The following FOXP2 variants were observed in gnomAD, a reference collection of about 807,000 sequenced individuals.
FOXP2 encodes forkhead box protein P2.
FOXP2 carries 12 observed loss-of-function variants against 115.8 expected under a neutral mutation model. The ratio of observed to expected loss-of-function variants is 0.10; its 90% CI spans 0.07 to 0.17. The LOEUF is 0.17. Among genes scored for constraint, FOXP2 ranks in the 10% least tolerant of loss-of-function variants. The probability of loss-of-function intolerance (pLI) is 1.00; values close to 1 mark genes in which losing one functional copy is unlikely to be tolerated. For synonymous variants in FOXP2, 328 were observed against 297.7 expected (o/e 1.10, Z -1.05); for missense variants, 629 against 843.5 (o/e 0.75, Z 3.15).
At chr7:114,343,393 T>C (rs1791261391) in intron 2 of FOXP2, among the ~76,000 whole-genome samples, 1 of 151,476 alleles carries the variant, frequency 6.6e-6, no homozygotes. Flanking sequence ...TTATGTGGGA[T>C]GAAAACACTA....
At chr7:114,141,083 A>G (rs568622626) in intron 1 of FOXP2, among the ~76,000 whole-genome samples, 28 of 152,328 alleles carry the variant, frequency 1.8e-4, no homozygotes, top group South Asian at 4.1e-4. Flanking sequence ...CAGGGGCCCA[A>G]TAAATCATCT....
intron 2 of FOXP2, among the ~76,000 whole-genome samples, chr7:114,375,723 C>T (rs1226109834): frequency 6.6e-6 from 1 of 152,182 alleles, no homozygotes; most frequent in Non-Finnish European, 1.5e-5. Flanking sequence ...CTCTCTCTCT[C>T]TCCCAATGTG....
At chr7:114,195,556 A>T (rs1356076819) in intron 1 of FOXP2, among the ~76,000 whole-genome samples, 1 of 152,166 alleles carries the variant, frequency 6.6e-6, no homozygotes, top group East Asian at 1.9e-4. Flanking sequence ...TCATTCATCC[A>T]CTAATTTTAT....
At chr7:114,185,797 ATTTAC>A (rs1793579577) in intron 1 of FOXP2, among the ~76,000 whole-genome samples, 2 of 152,142 alleles carry the variant, frequency 1.3e-5, no homozygotes, top group South Asian at 2.1e-4. Context: ...TATTCTATAT[ATTTAC>A]TTTATGCGTT....
At chr7:114,240,773 TC>T (rs1795132502) in intron 1 of FOXP2, among the ~76,000 whole-genome samples, 1 of 152,092 alleles carries the variant, frequency 6.6e-6, no homozygotes, top group African/African-American at 2.4e-5. Flanking sequence ...CATTTCCACT[TC>T]CTGTAAAGTT....
intron 2 of FOXP2, among the ~76,000 whole-genome samples, chr7:114,505,300 GTTAA>G (rs1797754383): frequency 6.6e-6 from 1 of 151,376 alleles, no homozygotes; most frequent in Admixed American, 6.6e-5. Context: ...ATTCTTTTCT[GTTAA>G]TTAAGACAGG....
Position 114,511,240 on chromosome 7 carries a change from G to T in FOXP2, c.169-23377G>T, listed in dbSNP as rs113262423. On this transcript the variant is annotated intron_variant, in intron 2 of 16. Transcript: ENST00000350908. ...GGCTAGGGGAGGGATAGCATTAGGAGAAATACCTAATGTAGATGACTGGTT... is the reference window on the plus strand; with the variant it reads ...GGCTAGGGGAGGGATAGCATTAGGATAAATACCTAATGTAGATGACTGGTT... Among the ~76,000 whole-genome samples the T allele has an allele frequency of 7.0e-3, 1,065 of 152,232 alleles. 10 individuals carry two copies. The highest frequency in any genetic ancestry group is 0.024 in the African/African-American group (1,012 of 41,532).
At chr7:114,457,755 A>G (rs370074900) in intron 2 of FOXP2, among the ~76,000 whole-genome samples, 12 of 152,032 alleles carry the variant, frequency 7.9e-5, no homozygotes, top group South Asian at 2.1e-4. Flanking sequence ...AAAACTAGCC[A>G]GGCGTGGTGG....
rs1474090446 is a variant in FOXP2 at position 114,658,231 on chromosome 7, C to T, written c.1432C>T (p.Arg478Ter). 1 of 1,613,746 alleles carries T rather than the reference C, an allele frequency of 6.2e-7. No individual in the cohort carries two copies. The highest frequency in any genetic ancestry group is 8.5e-7 in the Non-Finnish European group (1 of 1,179,826). ...GCCCAATGTGGGAGCCATACGAAGGCGACATTCAGACAAATACAACATTCC... is the reference window on the plus strand; with the variant it reads ...GCCCAATGTGGGAGCCATACGAAGGTGACATTCAGACAAATACAACATTCC... ...SVPNVGAIRRRHSDKYNIPMS... is the reference protein window; with the variant it reads ...SVPNVGAIRR The change falls in exon 11 of 17, where the codon CGA becomes TGA. Residue 478 changes from arginine to a stop codon, truncating the protein, a stop_gained. Transcript: ENST00000350908. LOFTEE classifies it high-confidence loss of function.
chr7:114,606,014 T>A (rs553662769), intron 3 of FOXP2, among the ~76,000 whole-genome samples: 21 of 152,206 alleles, frequency 1.4e-4, no homozygotes, highest in Non-Finnish European at 2.4e-4. Context: ...AATGGCCAGG[T>A]ATGGAATTAG....
intron 5 of FOXP2, chr7:114,631,161 G>GA (rs879692525): frequency 0.028 from 6,782 of 245,458 alleles, no homozygotes; most frequent in South Asian, 0.051. Flanking sequence ...TATTCAATTG[G>GA]AAAAAAAAAA....
chr7:114,652,297 TAA>T lies in FOXP2; in HGVS notation c.1182+9_1182+10del, dbSNP rs1446940413. On this transcript the variant is annotated splice_region_variant and intron_variant, in intron 9 of 16. Coordinates refer to ENST00000350908, the MANE Select transcript of FOXP2 (RefSeq NM_014491.4). Reference sequence around the variant, plus strand: ...GCAACAGTTAGAAATACAGGTTTGTTAAATGCTCACTTAATGGACTCTTCTTA... The same window carrying T: ...GCAACAGTTAGAAATACAGGTTTGTTATGCTCACTTAATGGACTCTTCTTA... 6.2e-7 allele frequency: 1 copy of T among 1,611,902 alleles called. No individual in the cohort carries two copies. Among genetic ancestry groups the T allele is most frequent in the Admixed American group, 1.7e-5 (1 of 59,828 alleles).
chr7:114,403,036 T>C (rs2129197028), intron 2 of FOXP2, among the ~76,000 whole-genome samples: 1 of 152,292 alleles, frequency 6.6e-6, no homozygotes, highest in Non-Finnish European at 1.5e-5. Context: ...CACAATCCCT[T>C]ATCTCAAGTC....
Position 114,176,213 on chromosome 7 carries a change from TG to T in FOXP2, c.-102+13126del, listed in dbSNP as rs1485972577. On this transcript the variant is annotated intron_variant, in intron 1 of 17. Coordinates refer to the FOXP2 transcript ENST00000634411. ...TGTCTTGTCTTGTCTTGTCTTGTCT[TG>T]TCTTGTCTTGTCTTGTCTTTTCTTT... 1.5e-3 allele frequency among the ~76,000 whole-genome samples: 227 copies of T among 151,182 alleles called. 1 individual carries two copies. Among genetic ancestry groups the T allele is most frequent in the African/African-American group, 5.2e-3 (213 of 40,706 alleles).
chr7:114,456,130 T>C (rs1795303837), intron 2 of FOXP2, among the ~76,000 whole-genome samples: 1 of 152,212 alleles, frequency 6.6e-6, no homozygotes, highest in East Asian at 1.9e-4. Context: ...TCTTTGTCAT[T>C]GCACCTACCA....
chr7:114,658,370 C>T, intron 11 of FOXP2, 103 bp downstream of exon 11: 1 of 1,165,690 alleles, frequency 8.6e-7, no homozygotes, highest in Non-Finnish European at 1.3e-6. Context: ...AAACTCATGT[C>T]ATGATTTATG....
rs1808658457 is a variant in FOXP2, at chr7:114,691,341, A to T, written c.*1415A>T. On this transcript the variant is annotated 3_prime_UTR_variant, in exon 17 of 17. Coordinates refer to ENST00000350908, the MANE Select transcript of FOXP2 (RefSeq NM_014491.4). ...AAAATTAATTTCATATTGATTTTAA[A>T]GTGATCTAGCTGAGTTTTTACACTG... 1 of 453,814 alleles carries T rather than the reference A, an allele frequency of 2.2e-6. No homozygotes were observed. Among genetic ancestry groups the T allele is most frequent in the Non-Finnish European group, 4.4e-6 (1 of 226,684 alleles). 28.1% of individuals were successfully genotyped at this position (453,814 alleles called of 1,614,324 possible).
chr7:114,223,215 C>T (rs1193769975), intron 1 of FOXP2, among the ~76,000 whole-genome samples: 3 of 151,990 alleles, frequency 2.0e-5, no homozygotes, highest in Non-Finnish European at 2.9e-5. Flanking sequence ...GTTTACACTT[C>T]TACCAACACA....
chr7:114,232,964 G>T (rs954290974), intron 1 of FOXP2, among the ~76,000 whole-genome samples: 17 of 152,158 alleles, frequency 1.1e-4, no homozygotes, highest in Non-Finnish European at 1.5e-4. Context: ...ATCTAAAGTA[G>T]TCAAACTCAT....
Sources: allele counts gnomAD v4.1 joint callset (sites outside exome capture counted in the v4.1 genomes callset), GRCh38; gene constraint gnomAD v4.1.1; transcripts MANE v1.5; gene names NCBI Gene and HGNC (gene_info 2026-07-23, HGNC 2026-07-21).